The following SLC6A16 variants were observed in gnomAD, a reference collection of about 807,000 sequenced individuals.
SLC6A16 encodes solute carrier family 6 member 16.
In SLC6A16, 54 loss-of-function variants were observed where a neutral mutation model predicts 65.4. The observed-to-expected ratio is 0.83, with a 90% CI of 0.66 to 1.04. SLC6A16 has a LOEUF of 1.04. Ranked by LOEUF, SLC6A16 falls within the 50% of genes least tolerant of loss-of-function variation. The probability of loss-of-function intolerance (pLI) is 0.00; values close to 1 mark genes in which losing one functional copy is unlikely to be tolerated. For synonymous variants in SLC6A16, 330 were observed against 346.5 expected (o/e 0.95, Z 0.53); for missense variants, 816 against 914.0 (o/e 0.89, Z 1.38).
At chr19:49,306,246 C>G (rs1353025381) in intron 7 of SLC6A16, 1 of 150,038 alleles carries the variant, frequency 6.7e-6, no homozygotes, top group Non-Finnish European at 1.5e-5. Flanking sequence ...TGCAGTGAGC[C>G]GAGATCACAC....
chr19:49,306,310 A>G (rs1282252971), intron 7 of SLC6A16, among the ~76,000 whole-genome samples: 1 of 151,868 alleles, frequency 6.6e-6, no homozygotes, highest in Non-Finnish European at 1.5e-5. Flanking sequence ...AAAAAAAAAG[A>G]AAAAGAAAGA....
chr19:49,339,202 A>G, the SLC6A16 span: 1 of 828,132 alleles, frequency 1.2e-6, no homozygotes, highest in Non-Finnish European at 2.0e-6. The surrounding 1 kb of genome is among the most constrained non-coding windows in gnomAD (Gnocchi z 4.5). Flanking sequence ...TAAGGAGACT[A>G]GAGTGCCCTG....
At chr19:49,291,416 T>C (rs1343936429) in intron 10 of SLC6A16, among the ~76,000 whole-genome samples, 1 of 152,066 alleles carries the variant, frequency 6.6e-6, no homozygotes, top group East Asian at 1.9e-4. Flanking sequence ...TATATACGTC[T>C]TTCTCTTTGG....
chr19:49,323,146 G>A (rs1970742739), intron 1 of SLC6A16, among the ~76,000 whole-genome samples: 1 of 151,928 alleles, frequency 6.6e-6, no homozygotes, highest in Admixed American at 6.6e-5. Context: ...AAATGGTGCT[G>A]GGAAAACTGG....
chr19:49,317,046 T>G (rs1378340705), intron 1 of SLC6A16, among the ~76,000 whole-genome samples: 5 of 149,732 alleles, frequency 3.3e-5, no homozygotes, highest in African/African-American at 1.2e-4. Context: ...TCTAAAAAAA[T>G]AAAATAAAAT....
rs74182049 is a variant in SLC6A16 at position 49,307,724 on chromosome 19, CA to C, written c.1229+1151del. Among the ~76,000 whole-genome samples, 102 of 76,708 alleles carry C rather than the reference CA, an allele frequency of 1.3e-3. 5 individuals carry two copies. Among genetic ancestry groups the C allele is most frequent in the African/African-American group, 6.3e-3 (101 of 16,004 alleles). The allele number at this position is 76,708 out of a possible 152,430, so 50.3% of individuals were successfully genotyped here. On this transcript the variant is annotated intron_variant, in intron 7 of 11. Coordinates refer to ENST00000335875, the MANE Select transcript of SLC6A16 (RefSeq NM_014037.3). Reference sequence around the variant, plus strand: ...GAGAGAGAGGAAGAGGAGGAGGAAGCAAAAAAAAAGAAAAAGAAAAAAAAGA... The same window carrying C: ...GAGAGAGAGGAAGAGGAGGAGGAAGCAAAAAAAAGAAAAAGAAAAAAAAGA...
intron 10 of SLC6A16, 103 bp downstream of exon 10, chr19:49,293,120 G>T: frequency 1.0e-6 from 1 of 978,690 alleles, no homozygotes; most frequent in Non-Finnish European, 1.5e-6. Context: ...GAACTTAAGG[G>T]TCCCTATGTC....
chr19:49,335,682 C>A, the SLC6A16 span: 4 of 1,612,132 alleles, frequency 2.5e-6, no homozygotes, highest in Non-Finnish European at 3.4e-6. This position sits in a 1 kb window ranked among gnomAD's most constrained non-coding sequence, Gnocchi z 4.6. Context: ...TCCCCTGTGG[C>A]CCACCCCCGT....
rs370401247 is a variant in SLC6A16 at position 49,310,143 on chromosome 19, G to C, written c.597C>G (p.Tyr199Ter). 12 of 1,613,930 alleles carry C rather than the reference G, an allele frequency of 7.4e-6. No individual in the cohort carries two copies. In the African/African-American group the frequency reaches 1.6e-4, roughly 22 times the overall value. ...TGATCCAGGAATTGACCACATTGAA[G>C]TACAGGCCGAGGATGAAGCACACCT... ...SFMVCFILGL[Y>*]FNVVNSWIIF... The change falls in exon 4 of 12, where the codon TAC becomes TAG. Residue 199 changes from tyrosine (Y) to a stop codon, truncating the protein, a stop_gained. Coordinates refer to ENST00000335875, the MANE Select transcript of SLC6A16 (RefSeq NM_014037.3). LOFTEE classifies it high-confidence loss of function.
At chr19:49,327,587 G>A (rs1057489755), upstream of SLC6A16, among the ~76,000 whole-genome samples, 4 of 152,210 alleles carry the variant, frequency 2.6e-5, no homozygotes, top group African/African-American at 9.7e-5. Flanking sequence ...TGAATGATGT[G>A]CCCCACACTG....
At chr19:49,329,841 G>A (rs1970831603), upstream of SLC6A16, among the ~76,000 whole-genome samples, 1 of 151,924 alleles carries the variant, frequency 6.6e-6, no homozygotes, top group Admixed American at 6.6e-5. Context: ...CACTGTGTTA[G>A]CCAGGATGGT....
intron 10 of SLC6A16, among the ~76,000 whole-genome samples, chr19:49,291,812 T>G (rs1970084207): frequency 6.6e-6 from 1 of 151,994 alleles, no homozygotes; most frequent in African/African-American, 2.4e-5. Flanking sequence ...CCTATTCATC[T>G]GTCCAGGCTC....
At chr19:49,330,524 A>C in the SLC6A16 span, among the ~76,000 whole-genome samples, 4 of 152,320 alleles carry the variant, frequency 2.6e-5, no homozygotes. Flanking sequence ...CAGCCAGTGA[A>C]GAAGGAAGGA....
rs992793048 is a variant in SLC6A16, at chr19:49,309,834, G to A, written c.701-8C>T. 8 of 1,605,442 alleles carry A rather than the reference G, an allele frequency of 5.0e-6. No homozygotes were observed. The highest frequency in any genetic ancestry group is 6.0e-6 in the Non-Finnish European group (7 of 1,172,978). ...TCCGTTCACATTCAGGATCTGGGGG[G>A]ACCTGGCTTTAGACATGCCTGCTAG... On this transcript the variant is annotated splice_polypyrimidine_tract_variant and splice_region_variant and intron_variant, in intron 4 of 11. Coordinates refer to ENST00000335875, the MANE Select transcript of SLC6A16 (RefSeq NM_014037.3).
chr19:49,324,263 A>C (rs755189799), intron 1 of SLC6A16, among the ~76,000 whole-genome samples: 4 of 151,792 alleles, frequency 2.6e-5, no homozygotes, highest in Non-Finnish European at 4.4e-5. Flanking sequence ...CCTGGGAAGC[A>C]GAGGTTGCAG....
chr19:49,337,945 C>G, the SLC6A16 span: 1 of 1,614,026 alleles, frequency 6.2e-7, no homozygotes, highest in Non-Finnish European at 8.5e-7. Context: ...GCTTGCGGGA[C>G]GTCGTAGAGA....
chr19:49,292,139 G>A lies in SLC6A16; in HGVS notation c.1778+1084C>T, dbSNP rs1478121571. On this transcript the variant is annotated intron_variant, in intron 10 of 11. Coordinates refer to ENST00000335875, the MANE Select transcript of SLC6A16 (RefSeq NM_014037.3). This position sits in a 1 kb window ranked among gnomAD's most constrained non-coding sequence, Gnocchi z 4.3. ...AATCCTAGCACTTTGGGAGGCTGAG[G>A]CAGGTGATCACGAGGTCAAGAGTTC... Among the ~76,000 whole-genome samples the A allele has an allele frequency of 1.3e-5, 2 of 152,274 alleles. No individual in the cohort carries two copies. Among genetic ancestry groups the A allele is most frequent in the Admixed American group, 1.3e-4 (2 of 15,282 alleles).
chr19:49,318,151 T>C (rs1438496720), intron 1 of SLC6A16, among the ~76,000 whole-genome samples: 5 of 152,048 alleles, frequency 3.3e-5, no homozygotes, highest in Non-Finnish European at 7.4e-5. Flanking sequence ...ATGTATAGTA[T>C]GAAACCTCAT....
intron 7 of SLC6A16, chr19:49,305,907 AG>A (rs1016152599): frequency 2.4e-4 from 36 of 152,338 alleles, no homozygotes; most frequent in African/African-American, 8.4e-4. Flanking sequence ...TTGTTTTAAT[AG>A]CATAAAACTG....
Sources: allele counts gnomAD v4.1 joint callset (sites outside exome capture counted in the v4.1 genomes callset), GRCh38; gene constraint gnomAD v4.1.1; non-coding constraint Gnocchi (gnomAD v3.1); transcripts MANE v1.5; gene names NCBI Gene and HGNC (gene_info 2026-07-23, HGNC 2026-07-21).